Variants in SORBS2 observed in about 807,000 individuals in gnomAD.
The protein encoded by SORBS2 is sorbin and SH3 domain containing 2, also known as sorbin and SH3 domain-containing protein 2.
SORBS2 carries 46 observed loss-of-function variants against 97.7 expected under a neutral mutation model. That is an observed-to-expected ratio of 0.47 (90% CI 0.37 to 0.60). The LOEUF is 0.60. SORBS2 is among the 20% of genes least tolerant of loss of function. SORBS2 has a pLI of 0.00. For missense variants in SORBS2, 1,316 were observed against 1,282.3 expected, an observed-to-expected ratio of 1.03 and a Z score of -0.40; for synonymous variants, 476 against 473.4, an observed-to-expected ratio of 1.01 and a Z score of -0.07.
intron 1 of SORBS2, among the ~76,000 whole-genome samples, chr4:185,946,587 C>A (rs910006125): frequency 2.0e-5 from 3 of 152,180 alleles, no homozygotes; most frequent in Non-Finnish European, 4.4e-5. Flanking sequence ...ATCAAAACAT[C>A]AGCAAAGGAA....
intron 1 of SORBS2, among the ~76,000 whole-genome samples, chr4:185,914,579 T>C (rs116713448): frequency 7.5e-4 from 114 of 152,380 alleles, no homozygotes; most frequent in African/African-American, 2.4e-3. Flanking sequence ...GGTACTATTA[T>C]GTTATTACCG....
intron 1 of SORBS2, among the ~76,000 whole-genome samples, chr4:185,915,549 A>G (rs1206887548): frequency 1.3e-5 from 2 of 152,190 alleles, no homozygotes; most frequent in Non-Finnish European, 2.9e-5. Context: ...GACGTTTGAC[A>G]TCTATTTTTC....
chr4:185,729,649 T>G (rs993251281), intron 2 of SORBS2, among the ~76,000 whole-genome samples: 1 of 152,260 alleles, frequency 6.6e-6, no homozygotes, highest in Admixed American at 6.5e-5. Context: ...TTCAGTTTCC[T>G]GGGGGAGTGC....
chr4:185,805,044 T>A (rs1434540874), intron 1 of SORBS2, among the ~76,000 whole-genome samples: 1 of 152,142 alleles, frequency 6.6e-6, no homozygotes, highest in Non-Finnish European at 1.5e-5. Flanking sequence ...CTCTTTAGGT[T>A]GATTATATTT....
chr4:185,805,229 C>CTATA (rs3080336), intron 1 of SORBS2, among the ~76,000 whole-genome samples: 3 of 151,238 alleles, frequency 2.0e-5, no homozygotes, highest in African/African-American at 7.3e-5. Flanking sequence ...ACCAGGAAGA[C>CTATA]TATATATATA....
chr4:185,938,744 C>T (rs1322251740), intron 1 of SORBS2, among the ~76,000 whole-genome samples: 2 of 152,044 alleles, frequency 1.3e-5, no homozygotes, highest in African/African-American at 4.8e-5. Flanking sequence ...CTGCTTTCCC[C>T]CCCAGCAGCC....
At chr4:185,706,240 G>A (rs1562026447) in intron 2 of SORBS2, among the ~76,000 whole-genome samples, 1 of 152,054 alleles carries the variant, frequency 6.6e-6, no homozygotes, top group Non-Finnish European at 1.5e-5. Flanking sequence ...TGTGATTTTT[G>A]TTTTTCCAAG....
intron 4 of SORBS2, 87 bp downstream of exon 14, chr4:185,638,790 A>T (rs1397367630): frequency 4.0e-6 from 5 of 1,256,714 alleles, no homozygotes; most frequent in Admixed American, 3.9e-5. Flanking sequence ...GACCCGGGGG[A>T]GTGGGAGTCG....
rs150778621 is a variant in SORBS2, at chr4:185,733,847, C to G, written c.-198+41380G>C. On this transcript the variant is annotated intron_variant, in intron 2 of 20. Coordinates refer to the SORBS2 transcript ENST00000284776. ...CTCATTTCCTCTGATGTTCCCCTGC[C>G]CTCTTGCAAATCAATCAGCCTAAAT... Among the ~76,000 whole-genome samples, 271 of 152,222 alleles carry G rather than the reference C, an allele frequency of 1.8e-3. 1 individual carries two copies. The highest frequency in any genetic ancestry group is 6.2e-3 in the African/African-American group (258 of 41,528).
chr4:185,824,627 C>G (rs1046632382), intron 1 of SORBS2, among the ~76,000 whole-genome samples: 42 of 151,932 alleles, frequency 2.8e-4, no homozygotes, highest in Non-Finnish European at 2.4e-4. Flanking sequence ...ATTCATACAT[C>G]GAGGAATTCC....
At chr4:185,624,672 C>T (rs1346434434) in intron 6 of SORBS2, among the ~76,000 whole-genome samples, 178 bp from the exon 19 acceptor site, 2 of 152,172 alleles carry the variant, frequency 1.3e-5, no homozygotes, top group African/African-American at 4.8e-5. Context: ...AGAAGAAGGT[C>T]TAATTCTAAA....
chr4:185,796,405 A>G, intron 1 of SORBS2, among the ~76,000 whole-genome samples: 1 of 152,104 alleles, frequency 6.6e-6, no homozygotes, highest in East Asian at 1.9e-4. Context: ...AGCCATACCA[A>G]TGGCTCCCAG....
chr4:185,671,743 T>C (rs192281659), intron 4 of SORBS2, among the ~76,000 whole-genome samples: 1 of 152,330 alleles, frequency 6.6e-6, no homozygotes, highest in Non-Finnish European at 1.5e-5. Flanking sequence ...TGGATAACCA[T>C]GCAGAAGTTA....
intron 1 of SORBS2, among the ~76,000 whole-genome samples, chr4:185,862,565 C>T (rs531485146): frequency 4.6e-5 from 7 of 152,352 alleles, no homozygotes; most frequent in South Asian, 4.1e-4. Context: ...GCTTACCTTG[C>T]GGTGCACTTA....
chr4:185,853,250 T>C (rs1192309866), intron 1 of SORBS2, among the ~76,000 whole-genome samples: 1 of 152,182 alleles, frequency 6.6e-6, no homozygotes, highest in Non-Finnish European at 1.5e-5. Context: ...GCTTATTTTA[T>C]GGATGAAACA....
At chr4:185,830,100 A>T (rs944799384) in intron 1 of SORBS2, among the ~76,000 whole-genome samples, 1 of 152,188 alleles carries the variant, frequency 6.6e-6, no homozygotes, top group Non-Finnish European at 1.5e-5. Context: ...ATGCCATTTG[A>T]TTATACATTT....
intron 5 of SORBS2, among the ~76,000 whole-genome samples, chr4:185,629,782 C>T (rs892507451): frequency 6.6e-6 from 1 of 151,918 alleles, no homozygotes; most frequent in Non-Finnish European, 1.5e-5. Flanking sequence ...AGGATGGTCT[C>T]AATCTCTTGA....
intron 1 of SORBS2, among the ~76,000 whole-genome samples, chr4:185,914,606 G>A (rs1191415243): frequency 1.3e-5 from 2 of 152,208 alleles, no homozygotes; most frequent in African/African-American, 4.8e-5. Context: ...CACGTTCATT[G>A]TAAATACTGT....
chr4:185,637,378 T>G (rs2097030233), intron 4 of SORBS2, among the ~76,000 whole-genome samples: 1 of 152,246 alleles, frequency 6.6e-6, no homozygotes, highest in African/African-American at 2.4e-5. Context: ...CATCTGGGTT[T>G]GTGTAAGTAC....
Sources: allele counts gnomAD v4.1 joint callset (sites outside exome capture counted in the v4.1 genomes callset), GRCh38; gene constraint gnomAD v4.1.1; transcripts MANE v1.5; gene names NCBI Gene and HGNC (gene_info 2026-07-23, HGNC 2026-07-21).